ITGA8: variants seen among roughly 807,000 people sequenced by gnomAD.
ITGA8 encodes the protein integrin subunit alpha 8.
A neutral mutation model predicts 142.3 loss-of-function variants in ITGA8; 91 were observed. The observed-to-expected ratio is 0.64, with a 90% CI of 0.54 to 0.76. The LOEUF is 0.76. Ranked by LOEUF, ITGA8 falls within the 30% of genes least tolerant of loss-of-function variation. The pLI, the probability that ITGA8 is intolerant of heterozygous loss-of-function variation, is 0.00. For missense variants in ITGA8, 1,406 were observed against 1,327.7 expected, an observed-to-expected ratio of 1.06 and a Z score of -0.92; for synonymous variants, 505 against 485.2, an observed-to-expected ratio of 1.04 and a Z score of -0.54.
intron 13 of ITGA8, among the ~76,000 whole-genome samples, chr10:15,631,553 C>G: frequency 6.6e-6 from 1 of 151,702 alleles, no homozygotes; most frequent in South Asian, 2.1e-4. Context: ...ACATCACATA[C>G]CGGGTCCTGT....
Position 15,670,227 on chromosome 10 carries a change from C to G in ITGA8, c.847+1376G>C, listed in dbSNP as rs889559156. 8.5e-5 allele frequency among the ~76,000 whole-genome samples: 13 copies of G among 152,238 alleles called. No homozygotes were observed. The East Asian group carries it at 2.1e-3, about 25-fold the overall frequency. On this transcript the variant is annotated intron_variant, in intron 8 of 29. Coordinates refer to ENST00000378076, the MANE Select transcript of ITGA8 (RefSeq NM_003638.3). The stretch of plus-strand genomic sequence containing the variant: ...GAAACAAGATGGAAAATGGTAAATA[C>G]TGATTGATGATTGACTCATTCAATA...
At chr10:15,552,533 A>G (rs1020057854) in intron 26 of ITGA8, among the ~76,000 whole-genome samples, 3 of 152,174 alleles carry the variant, frequency 2.0e-5, no homozygotes, top group African/African-American at 7.2e-5. Flanking sequence ...AGAATTCTGT[A>G]GATGTCTCTT....
At chr10:15,618,232 TA>T (rs67954052) in intron 13 of ITGA8, among the ~76,000 whole-genome samples, 62,159 of 151,648 alleles carry the variant, frequency 0.41, 13,178 homozygotes, top group South Asian at 0.63. Context: ...AAAATAAATT[TA>T]AAAAAAGAAA....
At chr10:15,624,732 TAAGGCCATC>T (rs1833551217) in intron 13 of ITGA8, among the ~76,000 whole-genome samples, 1 of 152,152 alleles carries the variant, frequency 6.6e-6, no homozygotes, top group African/African-American at 2.4e-5. Context: ...AAAGACGAAC[TAAGGCCATC>T]AAGTATAGTT....
At chr10:15,551,937 A>G (rs1833799116) in intron 26 of ITGA8, among the ~76,000 whole-genome samples, 1 of 152,148 alleles carries the variant, frequency 6.6e-6, no homozygotes, top group Admixed American at 6.5e-5. Context: ...CCTTCATCTG[A>G]GAGTTTTTAT....
At chr10:15,694,701 A>ATATATATATATATATATC (rs1238755233) in intron 2 of ITGA8, among the ~76,000 whole-genome samples, 1 of 137,714 alleles carries the variant, frequency 7.3e-6, no homozygotes, top group Non-Finnish European at 1.6e-5. Flanking sequence ...ATATATATAT[A>ATATATATATATATATATC]TGTCGACATA....
intron 26 of ITGA8, among the ~76,000 whole-genome samples, chr10:15,557,598 C>T (rs987035422): frequency 6.6e-6 from 1 of 152,102 alleles, no homozygotes; most frequent in African/African-American, 2.4e-5. Flanking sequence ...AGGGATCCTC[C>T]CACCTTGGCC....
rs560093298 is a variant in ITGA8, at chr10:15,538,941, T to G, written c.2881-7790A>C. Among the ~76,000 whole-genome samples, 429 of 146,776 alleles carry G rather than the reference T, an allele frequency of 2.9e-3. 1 individual carries two copies. The highest frequency in any genetic ancestry group is 8.7e-3 in the African/African-American group (351 of 40,410). ...GACCCTTCAAGAAACCACCTGACAT[T>G]TTCAGGTAAAGGTTTTTTTTTTTTT... On this transcript the variant is annotated intron_variant, in intron 27 of 29. Transcript: ENST00000378076.
At position 15,572,316 on chromosome 10, in the gene ITGA8, C is replaced by T. The variant is rs1469679846; in HGVS notation, c.2532G>A (p.Trp844Ter). Residue 844 changes from tryptophan to a stop codon, truncating the protein, a stop_gained, in exon 25 of 30, where the codon TGG (tryptophan) becomes TGA (stop). Transcript: ENST00000378076. LOFTEE classifies it high-confidence loss of function. ...GAAATTCATCCCGGGCAGAGAAAGG[C>T]CAGCCCACCTCCAGGATGGTGTCAC... ...TISDTILEVG[W>*]PFSARDEFLL... The T allele has an allele frequency of 1.9e-6, 3 of 1,613,878 alleles. No homozygotes were observed. The highest frequency in any genetic ancestry group is 2.5e-6 in the Non-Finnish European group (3 of 1,179,960).
At position 15,604,607 on chromosome 10, in the gene ITGA8, A is replaced by G. The variant is rs868240389; in HGVS notation, c.1971-252T>C. On this transcript the variant is annotated intron_variant, in intron 19 of 29. Transcript: ENST00000378076. ...AAAAAAAAAAAAAAAAAAAGGATTG[A>G]TTTATAGCATTTTCAGATTCCAGTG... 5.2e-3 allele frequency among the ~76,000 whole-genome samples: 763 copies of G among 147,746 alleles called. 7 individuals carry two copies. The highest frequency in any genetic ancestry group is 0.018 in the African/African-American group (720 of 40,384).
In ITGA8 at chr10:15,719,551, C is replaced by T; in HGVS notation, c.209+12G>A. 3 of 1,546,948 alleles carry T rather than the reference C, an allele frequency of 1.9e-6. No homozygotes were observed. Among genetic ancestry groups the T allele is most frequent in the South Asian group, 1.2e-5 (1 of 82,572 alleles). ...CGTCCCCGCGCGCACCTCCCCGGGT[C>T]GGGCGACTTACGTGCGGGCGTCGGG... On this transcript the variant is annotated intron_variant, in intron 1 of 29. Transcript: ENST00000378076.
chr10:15,537,958 A>G (rs1365225373), intron 27 of ITGA8, among the ~76,000 whole-genome samples: 6 of 144,432 alleles, frequency 4.2e-5, no homozygotes, highest in Non-Finnish European at 7.4e-5. Context: ...TCTCTACAAA[A>G]AACAAAACAA....
At chr10:15,531,980 T>C (rs557448608) in intron 27 of ITGA8, among the ~76,000 whole-genome samples, 1 of 142,472 alleles carries the variant, frequency 7.0e-6, no homozygotes, top group South Asian at 2.2e-4. Flanking sequence ...ATTTCACAGA[T>C]TACACAAGAC....
chr10:15,584,046 C>G (rs1285859176), intron 23 of ITGA8, among the ~76,000 whole-genome samples: 1 of 152,150 alleles, frequency 6.6e-6, no homozygotes, highest in Non-Finnish European at 1.5e-5. Context: ...CCTGTAATCC[C>G]AGCACTTTGG....
At chr10:15,715,870 A>G (rs1835440897) in intron 2 of ITGA8, among the ~76,000 whole-genome samples, 1 of 152,250 alleles carries the variant, frequency 6.6e-6, no homozygotes, top group African/African-American at 2.4e-5. Context: ...GTATAAGGAC[A>G]AAGCAATTGG....
chr10:15,684,233 T>A, intron 3 of ITGA8, 106 bp from the exon 4 acceptor site: 1 of 1,218,860 alleles, frequency 8.2e-7, no homozygotes, highest in Non-Finnish European at 1.1e-6. Flanking sequence ...TTGGGTGAAT[T>A]AATTGGCCTC....
At chr10:15,582,256 A>G (rs550826211) in intron 23 of ITGA8, among the ~76,000 whole-genome samples, 2 of 152,256 alleles carry the variant, frequency 1.3e-5, no homozygotes, top group East Asian at 3.9e-4. Context: ...AGAAGAAAAG[A>G]AGAAAAAGAA....
At chr10:15,532,871 A>ATTT (rs1332880680) in intron 27 of ITGA8, among the ~76,000 whole-genome samples, 2 of 152,294 alleles carry the variant, frequency 1.3e-5, no homozygotes, top group East Asian at 3.9e-4. Context: ...CATGCTTGCT[A>ATTT]TTTTATTACA....
chr10:15,583,184 T>TA lies in ITGA8; in HGVS notation c.2372+3399dup, dbSNP rs573048833. Among the ~76,000 whole-genome samples, 503 of 152,232 alleles carry TA rather than the reference T, an allele frequency of 3.3e-3. 3 individuals carry two copies. Among genetic ancestry groups the TA allele is most frequent in the African/African-American group, 0.012 (480 of 41,524 alleles). On this transcript the variant is annotated intron_variant, in intron 23 of 29. Coordinates refer to ENST00000378076, the MANE Select transcript of ITGA8 (RefSeq NM_003638.3). ...TACAATGTGGAATACTATGCAGCCA[T>TA]AAAAAAGGATGAGTTCATGTCTTTT... is the stretch of plus-strand genomic sequence containing the variant.
Sources: allele counts gnomAD v4.1 joint callset (sites outside exome capture counted in the v4.1 genomes callset), GRCh38; gene constraint gnomAD v4.1.1; transcripts MANE v1.5; gene names NCBI Gene and HGNC (gene_info 2026-07-23, HGNC 2026-07-21).